Variants in GAPVD1 observed in about 807,000 individuals in gnomAD.
The protein encoded by GAPVD1 is GTPase activating protein and VPS9 domains 1.
In GAPVD1, 35 loss-of-function variants were observed where a neutral mutation model predicts 155.5. That is an observed-to-expected ratio of 0.23 (90% CI 0.17 to 0.30). The LOEUF is 0.30. Ranked by LOEUF, GAPVD1 falls within the 10% of genes least tolerant of loss-of-function variation. GAPVD1 has a pLI of 1.00. For missense variants in GAPVD1, 1,429 were observed against 1,775.7 expected (o/e 0.80, Z 3.51); for synonymous variants, 636 against 619.7 (o/e 1.03, Z -0.39).
intron 8 of GAPVD1, 104 bp from the exon 9 acceptor site, chr9:125,312,348 A>C: frequency 1.4e-6 from 1 of 698,170 alleles, no homozygotes; most frequent in South Asian, 2.0e-5. Flanking sequence ...ACTCTTGTGC[A>C]TGTGCAAATG....
rs867662862 is a variant in GAPVD1 at position 125,301,317 on chromosome 9, A to G, written c.186-666A>G. On this transcript the variant is annotated intron_variant, in intron 4 of 27. Transcript: ENST00000297933. ...ACTCCTGGGCTCAAGTGATCCTCCC[A>G]CCTTGGCCTCCCAAAGTCTGGGATT... 3.3e-5 allele frequency among the ~76,000 whole-genome samples: 5 copies of G among 151,960 alleles called. 1 individual carries two copies. In the South Asian group the frequency reaches 1.0e-3, roughly 32 times the overall value.
At chr9:125,361,413 A>G (rs570921870) in intron 27 of GAPVD1, among the ~76,000 whole-genome samples, 7 of 151,996 alleles carry the variant, frequency 4.6e-5, no homozygotes, top group African/African-American at 1.2e-4. Context: ...AATCGCAGCT[A>G]CTTGGAAGGT....
intron 17 of GAPVD1, among the ~76,000 whole-genome samples, chr9:125,339,106 C>A (rs923980644): frequency 6.6e-6 from 1 of 152,128 alleles, no homozygotes; most frequent in African/African-American, 2.4e-5. Context: ...TTTGGCCTCC[C>A]AAGTAGTTGG....
intron 3 of GAPVD1, among the ~76,000 whole-genome samples, chr9:125,296,437 C>T (rs544575501): frequency 6.7e-6 from 1 of 149,746 alleles, no homozygotes; most frequent in South Asian, 2.1e-4. Context: ...TCACTGCAAC[C>T]TCTGCCTCCT....
intron 9 of GAPVD1, among the ~76,000 whole-genome samples, chr9:125,314,790 T>C (rs1363287638): frequency 7.3e-6 from 1 of 137,488 alleles, no homozygotes; most frequent in Admixed American, 7.2e-5. Flanking sequence ...TAGCAGCTTC[T>C]TTTTTTTTTT....
At chr9:125,277,163 A>G (rs983309710) in intron 2 of GAPVD1, among the ~76,000 whole-genome samples, 2 of 152,212 alleles carry the variant, frequency 1.3e-5, no homozygotes, top group Non-Finnish European at 2.9e-5. Context: ...TCAGTCAGTC[A>G]TTTTTAAAAT....
intron 11 of GAPVD1, among the ~76,000 whole-genome samples, chr9:125,325,539 A>AAAAAAAAAAAC (rs71374252): frequency 6.7e-6 from 1 of 148,998 alleles, no homozygotes. Context: ...AAAAAAAAAA[A>AAAAAAAAAAAC]GATGATGCCC....
Position 125,268,988 on chromosome 9 carries a change from A to T in GAPVD1, c.-150+4A>T, listed in dbSNP as rs1834439285. The T allele has an allele frequency of 6.6e-6, 1 of 152,014 alleles. No individual in the cohort carries two copies. The highest frequency in any genetic ancestry group is 6.6e-5 in the Admixed American group (1 of 15,232). The allele number at this position is 152,014 out of a possible 1,614,324, so 9.4% of individuals were successfully genotyped here. A position where few individuals can be genotyped will look rare whatever the true frequency, so the allele number is the denominator to read the frequency against. Reference sequence around the variant, plus strand: ...ATACATTCTAGGAATCTCAAAGGTAAAGTATGATTTAAAAATATTTTTTTA... The same window carrying T: ...ATACATTCTAGGAATCTCAAAGGTATAGTATGATTTAAAAATATTTTTTTA... On this transcript the variant is annotated splice_donor_region_variant and intron_variant, in intron 2 of 27. Coordinates refer to ENST00000297933, the MANE Select transcript of GAPVD1 (RefSeq NM_001282680.3).
intron 9 of GAPVD1, among the ~76,000 whole-genome samples, chr9:125,317,569 G>A (rs1843632523): frequency 6.7e-6 from 1 of 149,748 alleles, no homozygotes; most frequent in Non-Finnish European, 1.5e-5. Context: ...AGGTTATGGT[G>A]AGCTGAGATT....
Position 125,354,839 on chromosome 9 carries a change from A to G in GAPVD1, c.3755A>G (p.Gln1252Arg), listed in dbSNP as rs1357877511. ...GAAAAGAAGATCAGGGAATTCATTC[A>G]AGGTAACTCAATACCTTTAGTTTAA... ...SKEKKIREFI[Q>R]DFQKLTAADD... The change falls in exon 24 of 28, where the codon CAA (glutamine) becomes CGA (arginine). Residue 1252 changes from glutamine to arginine, a missense_variant and splice_region_variant. Transcript: ENST00000297933. 1.9e-6 allele frequency: 3 copies of G among 1,601,434 alleles called. No individual in the cohort carries two copies. The Admixed American group carries it at 5.0e-5, about 27-fold the overall frequency.
chr9:125,313,980 C>T (rs1242725647), intron 9 of GAPVD1, among the ~76,000 whole-genome samples: 1 of 152,162 alleles, frequency 6.6e-6, no homozygotes, highest in South Asian at 2.1e-4. Context: ...TCCCTGTGAA[C>T]AGTTGTGAGG....
intron 9 of GAPVD1, among the ~76,000 whole-genome samples, chr9:125,319,975 C>T (rs1244541723): frequency 6.6e-6 from 1 of 152,128 alleles, no homozygotes; most frequent in Non-Finnish European, 1.5e-5. Context: ...AGAGCCAAAA[C>T]AGCAACCAAG....
At chr9:125,319,320 G>A (rs1384044826) in intron 9 of GAPVD1, among the ~76,000 whole-genome samples, 1 of 151,858 alleles carries the variant, frequency 6.6e-6, no homozygotes, top group African/African-American at 2.4e-5. Context: ...GCTGTGGTGA[G>A]CCATCATTGC....
chr9:125,263,364 A>G (rs1833273364), intron 1 of GAPVD1, among the ~76,000 whole-genome samples: 1 of 152,216 alleles, frequency 6.6e-6, no homozygotes, highest in African/African-American at 2.4e-5. Flanking sequence ...CAAGAGAATC[A>G]CTTGAGCCCG....
intron 21 of GAPVD1, 83 bp downstream of exon 21, chr9:125,349,602 A>G (rs920443652): frequency 1.0e-4 from 125 of 1,217,212 alleles, no homozygotes; most frequent in South Asian, 4.0e-4. Flanking sequence ...TGATGTTTTG[A>G]GTCAATAAAT....
chr9:125,266,127 A>ATT (rs67315433), intron 1 of GAPVD1, among the ~76,000 whole-genome samples: 1 of 138,382 alleles, frequency 7.2e-6, no homozygotes, highest in Non-Finnish European at 1.6e-5. Context: ...GATATCTATA[A>ATT]TTTTTTTTTT....
intron 2 of GAPVD1, among the ~76,000 whole-genome samples, chr9:125,274,554 C>T (rs1160590610): frequency 6.6e-6 from 1 of 150,814 alleles, no homozygotes; most frequent in African/African-American, 2.4e-5. Context: ...ACCTCTGCCT[C>T]CCGGGTTCAA....
Position 125,319,987 on chromosome 9 carries a change from A to AT in GAPVD1, c.1603-1436dup, listed in dbSNP as rs957915836. Among the ~76,000 whole-genome samples the AT allele has an allele frequency of 7.3e-5, 11 of 150,844 alleles. No homozygotes were observed. The South Asian group carries it at 1.1e-3, about 14-fold the overall frequency. On this transcript the variant is annotated intron_variant, in intron 9 of 27. Transcript: ENST00000297933. The stretch of plus-strand genomic sequence containing the variant: ...CTCAGAGCCAAAACAGCAACCAAGA[A>AT]TTTTTTTTTTCTTTCTGTTTAAAAA...
rs1204394104 is a variant in GAPVD1 at position 125,330,081 on chromosome 9, C to T, written c.2036C>T (p.Ala679Val). 6.2e-7 allele frequency: 1 copy of T among 1,607,618 alleles called. No individual in the cohort carries two copies. The change falls in exon 13 of 28, where the codon GCT (alanine) becomes GTT (valine). Residue 679 changes from alanine (A) to valine (V), a missense_variant. By Grantham distance (64) the Ala-to-Val change is moderately conservative. Transcript: ENST00000297933. Reference protein sequence around the residue: ...DEDRLQEIAGAAAENMLGSLL... With the variant: ...DEDRLQEIAGVAAENMLGSLL... ...TTGCTTCCCACTGGTTATACAGGTG[C>T]TGCAGCAGAGAACATGTTAGGCAGT...
Sources: allele counts gnomAD v4.1 joint callset (sites outside exome capture counted in the v4.1 genomes callset), GRCh38; gene constraint gnomAD v4.1.1; transcripts MANE v1.5; gene names NCBI Gene and HGNC (gene_info 2026-07-23, HGNC 2026-07-21).